Variants in EPC1 observed in about 807,000 individuals in gnomAD.
The protein encoded by EPC1 is enhancer of polycomb 1.
In EPC1, 12 loss-of-function variants were observed where a neutral mutation model predicts 98.4. The observed-to-expected ratio is 0.12, with a 90% CI of 0.08 to 0.20. The LOEUF (loss-of-function observed/expected upper bound fraction) is 0.20, where lower values mean the gene tolerates loss of function less well. Among genes scored for constraint, EPC1 ranks in the 10% least tolerant of loss-of-function variants. The pLI, the probability that EPC1 is intolerant of heterozygous loss-of-function variation, is 1.00. For synonymous variants in EPC1, 357 were observed against 363.9 expected (o/e 0.98, Z 0.21); for missense variants, 729 against 990.5 (o/e 0.74, Z 3.54).
intron 1 of EPC1, among the ~76,000 whole-genome samples, chr10:32,329,203 T>G (rs936644968): frequency 1.2e-4 from 18 of 152,208 alleles, no homozygotes; most frequent in African/African-American, 3.4e-4. Flanking sequence ...CAGAGCATCT[T>G]AACAGCTGAT....
At chr10:32,345,935 T>C (rs988836726) in intron 1 of EPC1, among the ~76,000 whole-genome samples, 6 of 152,122 alleles carry the variant, frequency 3.9e-5, no homozygotes, top group African/African-American at 1.4e-4. Context: ...ATAGGTAAGG[T>C]TACAGGCTTC....
intron 1 of EPC1, among the ~76,000 whole-genome samples, chr10:32,363,390 T>C (rs2505348): frequency 0.53 from 80,134 of 152,070 alleles, 23,373 homozygotes; most frequent in East Asian, 0.69. Flanking sequence ...CCATTTTTTC[T>C]TGAAGAAAGA....
At chr10:32,329,783 T>C (rs938147441) in intron 1 of EPC1, among the ~76,000 whole-genome samples, 1 of 152,200 alleles carries the variant, frequency 6.6e-6, no homozygotes, top group African/African-American at 2.4e-5. Flanking sequence ...TTAAGAGTCA[T>C]GTGGTGAGAC....
intron 1 of EPC1, among the ~76,000 whole-genome samples, chr10:32,325,633 C>G (rs1005157516): frequency 1.3e-5 from 2 of 152,100 alleles, no homozygotes; most frequent in Non-Finnish European, 2.9e-5. Context: ...ATGTTCCCTA[C>G]AAAAATATTA....
At chr10:32,360,288 G>C (rs1457421672) in intron 1 of EPC1, among the ~76,000 whole-genome samples, 1 of 152,322 alleles carries the variant, frequency 6.6e-6, no homozygotes, top group East Asian at 1.9e-4. Flanking sequence ...TCTACAAGGA[G>C]CCCTGTTGCC....
intron 6 of EPC1, among the ~76,000 whole-genome samples, chr10:32,290,505 A>AAAAAAAAAAAAAAAAAAAAAG (rs1554819136): frequency 2.6e-5 from 2 of 77,476 alleles, no homozygotes; most frequent in Admixed American, 1.6e-4. Context: ...AAAAAAAAAA[A>AAAAAAAAAAAAAAAAAAAAAG]AAAGAAAGAA....
chr10:32,359,389 G>A (rs576939372), intron 1 of EPC1, among the ~76,000 whole-genome samples: 33 of 152,212 alleles, frequency 2.2e-4, no homozygotes, highest in African/African-American at 6.7e-4. Context: ...ACAAATTAAC[G>A]AGAAATGTTT....
At chr10:32,290,081 CTTAGT>C in intron 6 of EPC1, among the ~76,000 whole-genome samples, 1 of 152,202 alleles carries the variant, frequency 6.6e-6, no homozygotes, top group East Asian at 1.9e-4. Flanking sequence ...CAAATTGTGA[CTTAGT>C]TAAGTACTAA....
chr10:32,347,070 A>T lies in EPC1; in HGVS notation c.-155T>A. 6 of 1,455,152 alleles carry T rather than the reference A, an allele frequency of 4.1e-6. No homozygotes were observed. The highest frequency in any genetic ancestry group is 5.4e-6 in the Non-Finnish European group (6 of 1,109,942). 90.1% of individuals were successfully genotyped at this position (1,455,152 alleles called of 1,614,324 possible). A position where few individuals can be genotyped will look rare whatever the true frequency, so the allele number is the denominator to read the frequency against. On this transcript the variant is annotated 5_prime_UTR_variant, in exon 1 of 14. Transcript: ENST00000319778. ...CGTCCGGGCACTAACACCAGCCGGG[A>T]GGGTGGGAGGCTGTGCCGCTCCGCT...
chr10:32,304,676 T>C (rs1036320471), intron 2 of EPC1, among the ~76,000 whole-genome samples: 2 of 151,982 alleles, frequency 1.3e-5, no homozygotes, highest in Non-Finnish European at 2.9e-5. Context: ...TCCCAGCACT[T>C]TGGGAGGCCG....
At position 32,355,642 on chromosome 10, in the gene EPC1, T is replaced by G. The variant is rs892561463; in HGVS notation, c.3+22849A>C. ...TTTTTTTTTTTTTTTTTTTTTTTTT[T>G]GGGACAGAGTTGACCAGGCTAGAGT... On this transcript the variant is annotated intron_variant, in intron 1 of 13. Transcript: ENST00000375110. Among the ~76,000 whole-genome samples the G allele has an allele frequency of 2.1e-3, 168 of 81,404 alleles. 1 individual carries two copies. Among genetic ancestry groups the G allele is most frequent in the African/African-American group, 7.3e-3 (152 of 20,870 alleles). The allele number at this position is 81,404 out of a possible 152,430, so 53.4% of individuals were successfully genotyped here.
chr10:32,301,627 C>A (rs968511727), intron 2 of EPC1, among the ~76,000 whole-genome samples: 3 of 152,106 alleles, frequency 2.0e-5, no homozygotes, highest in Non-Finnish European at 4.4e-5. Context: ...CAGATCCACA[C>A]AACAATGTCC....
At chr10:32,363,497 TG>T (rs1379564706) in intron 1 of EPC1, among the ~76,000 whole-genome samples, 1 of 152,176 alleles carries the variant, frequency 6.6e-6, no homozygotes, top group Non-Finnish European at 1.5e-5. Context: ...AATGCTAAGC[TG>T]GGTTTATGCT....
At chr10:32,308,116 G>C (rs1835981326) in intron 1 of EPC1, among the ~76,000 whole-genome samples, 1 of 152,218 alleles carries the variant, frequency 6.6e-6, no homozygotes. Flanking sequence ...GCTGGACGTG[G>C]TGGCTCATGC....
chr10:32,330,742 C>T (rs2132966357), intron 1 of EPC1, among the ~76,000 whole-genome samples: 1 of 152,144 alleles, frequency 6.6e-6, no homozygotes, highest in East Asian at 1.9e-4. Context: ...TGGTTTCTTG[C>T]TAATGATACA....
chr10:32,307,592 C>G (rs1038254399), intron 1 of EPC1, among the ~76,000 whole-genome samples: 4 of 152,132 alleles, frequency 2.6e-5, no homozygotes, highest in Non-Finnish European at 1.5e-5. Flanking sequence ...CTAATGACTC[C>G]TGGGAGCTGG....
intron 10 of EPC1, among the ~76,000 whole-genome samples, chr10:32,279,474 T>C (rs1836287858): frequency 6.6e-6 from 1 of 152,278 alleles, no homozygotes; most frequent in South Asian, 2.1e-4. Flanking sequence ...TTTTCCACAG[T>C]AGGATTAAGA....
chr10:32,353,021 G>A (rs1166528622), intron 1 of EPC1, among the ~76,000 whole-genome samples: 1 of 152,084 alleles, frequency 6.6e-6, no homozygotes, highest in African/African-American at 2.4e-5. Flanking sequence ...TGGGCGTGGT[G>A]GCACATGCCT....
At chr10:32,307,156 T>TTA (rs1358358999) in intron 1 of EPC1, among the ~76,000 whole-genome samples, 3 of 152,210 alleles carry the variant, frequency 2.0e-5, no homozygotes, top group Non-Finnish European at 4.4e-5. Context: ...AATAGCTGCA[T>TTA]TATATTCCAC....
Sources: gnomAD v4.1 joint callset for allele counts (sites outside exome capture counted in the v4.1 genomes callset) on GRCh38, gnomAD v4.1.1 for gene constraint, MANE v1.5 for transcripts, NCBI Gene and HGNC (gene_info 2026-07-23, HGNC 2026-07-21) for gene names.